ANO4: variants seen among roughly 807,000 people sequenced by gnomAD.
The protein encoded by ANO4 is anoctamin-4.
ANO4 carries 69 observed loss-of-function variants against 141.9 expected under a neutral mutation model. The ratio of observed to expected loss-of-function variants is 0.49; its 90% confidence interval spans 0.40 to 0.59. The LOEUF is 0.59. ANO4 is among the 20% of genes least tolerant of loss of function. ANO4 has a pLI of 0.00. For missense variants in ANO4, 894 were observed against 1,162.2 expected (o/e 0.77, Z 3.36); for synonymous variants, 350 against 394.3 (o/e 0.89, Z 1.33).
At chr12:100,753,972 T>C (rs2032499519) in intron 3 of ANO4, among the ~76,000 whole-genome samples, 2 of 152,178 alleles carry the variant, frequency 1.3e-5, no homozygotes, top group South Asian at 4.1e-4. Context: ...CAAAGAGTCA[T>C]CTTTAACCAA....
At chr12:100,845,235 T>C (rs1251824318) in intron 1 of ANO4, among the ~76,000 whole-genome samples, 1 of 152,106 alleles carries the variant, frequency 6.6e-6, no homozygotes, top group African/African-American at 2.4e-5. Context: ...TGAGTGCACA[T>C]AGTTTTTCAA....
At position 101,066,782 on chromosome 12, in the gene ANO4, A is replaced by G; in HGVS notation, c.1313-12411A>G. On this transcript the variant is annotated intron_variant, in intron 14 of 27. Coordinates refer to ENST00000392977, the MANE Select transcript of ANO4 (RefSeq NM_001286615.2). The stretch of plus-strand genomic sequence containing the variant: ...GCAGCAGCAGGAGGAGGACCACAGG[A>G]AGCTGAGATCTGTATCTGTGGACCT... 5.1e-6 allele frequency: 6 copies of G among 1,166,122 alleles called. No individual in the cohort carries two copies. The South Asian group carries it at 6.1e-5, about 12-fold the overall frequency. 72.2% of individuals were successfully genotyped at this position (1,166,122 alleles called of 1,614,324 possible). A position where few individuals can be genotyped will look rare whatever the true frequency, so the allele number is the denominator to read the frequency against.
rs2050051818 is a variant in ANO4, at chr12:101,098,018, A to G, written c.2006+73A>G. 3.6e-6 allele frequency: 5 copies of G among 1,371,284 alleles called. No homozygotes were observed. The Admixed American group carries it at 8.7e-5, about 24-fold the overall frequency. 84.9% of individuals were successfully genotyped at this position (1,371,284 alleles called of 1,614,324 possible). ...GGCTTTTCTAGGTGTGGCAAGTAAG[A>G]TAAGCAATGCAGACTCAGCAGTTAA... is the stretch of plus-strand genomic sequence containing the variant. On this transcript the variant is annotated intron_variant, in intron 21 of 27. Coordinates refer to ENST00000392977, the MANE Select transcript of ANO4 (RefSeq NM_001286615.2).
intron 1 of ANO4, among the ~76,000 whole-genome samples, chr12:100,825,646 C>G (rs2036292763): frequency 6.6e-6 from 1 of 152,000 alleles, no homozygotes; most frequent in South Asian, 2.1e-4. Flanking sequence ...CAAGTTAGAC[C>G]TTGAGTTAGT....
chr12:101,110,236 G>A (rs1293256024), intron 22 of ANO4, among the ~76,000 whole-genome samples, 168 bp from the exon 23 acceptor site: 1 of 152,078 alleles, frequency 6.6e-6, no homozygotes, highest in Admixed American at 6.5e-5. Context: ...GGCCCAGGAA[G>A]TGCCTCTTTT....
At position 100,860,069 on chromosome 12, in the gene ANO4, A is replaced by G. The variant is rs931301660; in HGVS notation, c.-140-41577A>G. Among the ~76,000 whole-genome samples the G allele has an allele frequency of 3.9e-5, 6 of 152,146 alleles. No homozygotes were observed. In the East Asian group the frequency reaches 1.2e-3, roughly 29 times the overall value. On this transcript the variant is annotated intron_variant, in intron 1 of 27. Transcript: ENST00000392977. ...TTTTCAGGCACAAAGAAGCAGTTTA[A>G]TGTGGACCCTCAAGTTGTATTTTTT...
In ANO4 at chr12:101,066,937, A is replaced by G. The variant is rs183325094; in HGVS notation, c.1313-12256A>G. The stretch of plus-strand genomic sequence containing the variant: ...ATCCAGAGTTTTCTGTTACAAGGCA[A>G]CATGAGGACTTTGTGTGACTACATG... On this transcript the variant is annotated intron_variant, in intron 14 of 27. Transcript: ENST00000392977. The G allele has an allele frequency of 8.4e-4, 655 of 776,268 alleles. 1 individual carries two copies. Among genetic ancestry groups the G allele is most frequent in the Non-Finnish European group, 1.4e-3 (578 of 419,852 alleles). 48.1% of individuals were successfully genotyped at this position (776,268 alleles called of 1,614,324 possible).
At chr12:100,950,178 C>T (rs1249369434) in intron 5 of ANO4, among the ~76,000 whole-genome samples, 1 of 152,066 alleles carries the variant, frequency 6.6e-6, no homozygotes, top group Non-Finnish European at 1.5e-5. Flanking sequence ...AGTGTCAGGA[C>T]TATGTGCACT....
At chr12:100,985,514 T>C (rs1056299501) in intron 7 of ANO4, among the ~76,000 whole-genome samples, 1 of 152,126 alleles carries the variant, frequency 6.6e-6, no homozygotes, top group African/African-American at 2.4e-5. Flanking sequence ...TTGCCCAAGG[T>C]TTTGCTGTTA....
chr12:100,970,064 C>T (rs958917715), intron 5 of ANO4, among the ~76,000 whole-genome samples: 3 of 152,046 alleles, frequency 2.0e-5, no homozygotes, highest in African/African-American at 7.2e-5. Context: ...GATAAAAAGC[C>T]CTGAAGGAGG....
chr12:100,797,621 G>T (rs1010043365), intron 1 of ANO4, among the ~76,000 whole-genome samples: 1 of 151,936 alleles, frequency 6.6e-6, no homozygotes, highest in Non-Finnish European at 1.5e-5. Flanking sequence ...CACCTAGATT[G>T]GTGTAGATGC....
chr12:100,964,301 G>A (rs931778554), intron 5 of ANO4, among the ~76,000 whole-genome samples: 1 of 152,088 alleles, frequency 6.6e-6, no homozygotes, highest in Non-Finnish European at 1.5e-5. Context: ...ACTTCTTTGT[G>A]CTTTAGTTCC....
Position 101,033,486 on chromosome 12 carries a change from TAACTC to T in ANO4, c.842-3606_842-3602del, listed in dbSNP as rs1296566578. Among the ~76,000 whole-genome samples the T allele has an allele frequency of 2.3e-4, 35 of 151,740 alleles. 2 individuals are homozygous for T. In the South Asian group the frequency reaches 5.6e-3, roughly 24 times the overall value. Reference sequence around the variant, plus strand: ...GTATAATAATAATAATAATAAAAATTAACTCAAGATGGATTAAAGACTTAAATGTA... The same window carrying T: ...GTATAATAATAATAATAATAAAAATTAAGATGGATTAAAGACTTAAATGTA... On this transcript the variant is annotated intron_variant, in intron 9 of 27. Coordinates refer to ENST00000392977, the MANE Select transcript of ANO4 (RefSeq NM_001286615.2).
chr12:101,043,888 A>G (rs2047518767), intron 13 of ANO4, among the ~76,000 whole-genome samples: 1 of 152,360 alleles, frequency 6.6e-6, no homozygotes, highest in South Asian at 2.1e-4. Flanking sequence ...TGCTGGAGTC[A>G]GAGAAAGTTA....
intron 1 of ANO4, among the ~76,000 whole-genome samples, chr12:100,843,451 T>A (rs192143523): frequency 6.6e-6 from 1 of 152,310 alleles, no homozygotes; most frequent in African/African-American, 2.4e-5. Context: ...AGCTTCAATG[T>A]CTTTTTATAC....
intron 2 of ANO4, among the ~76,000 whole-genome samples, chr12:100,919,720 GTATGTGTGTATGTATGTATCTATC>G (rs2041529250): frequency 5.3e-5 from 7 of 133,332 alleles, no homozygotes; most frequent in African/African-American, 1.7e-4. Flanking sequence ...ATGTATGTAT[GTATGTGTGTATGTATGTATCTATC>G]TATCTATCTA....
At chr12:100,958,843 T>C (rs903106512) in intron 5 of ANO4, among the ~76,000 whole-genome samples, 9 of 151,434 alleles carry the variant, frequency 5.9e-5, no homozygotes, top group African/African-American at 1.9e-4. Context: ...TGAGAACCTG[T>C]CTCAAAAAAA....
In ANO4 at chr12:100,942,451, G is replaced by A. The variant is rs755620483; in HGVS notation, c.372G>A (p.Val124=). Residue 124 remains valine (V), a synonymous_variant, in exon 5 of 28, where the codon GTG becomes GTA. Transcript: ENST00000392977. ...DGKCRIDYIL[V]YRKSNPQTEK... ...AGTGTCGAATTGACTACATCCTTGT[G>A]TACAGAAAATCCAACCCCCAGACTG... The A allele has an allele frequency of 1.1e-4, 172 of 1,613,926 alleles. No homozygotes were observed. In the East Asian group the frequency reaches 3.8e-3, roughly 36 times the overall value.
chr12:101,052,475 G>GT (rs540902607), intron 14 of ANO4, among the ~76,000 whole-genome samples: 14 of 151,856 alleles, frequency 9.2e-5, no homozygotes, highest in South Asian at 2.1e-4. Flanking sequence ...GGTTTGGTTT[G>GT]TTTTTTTTCT....
Sources: allele counts gnomAD v4.1 joint callset (sites outside exome capture counted in the v4.1 genomes callset), GRCh38; gene constraint gnomAD v4.1.1; transcripts MANE v1.5; gene names NCBI Gene and HGNC (gene_info 2026-07-23, HGNC 2026-07-21).